The following ANKRD36B variants were observed in gnomAD, a reference collection of about 807,000 sequenced individuals.
The protein encoded by ANKRD36B is ankyrin repeat domain 36B.
A neutral mutation model predicts 135.7 loss-of-function variants in ANKRD36B; 37 were observed. That is an observed-to-expected ratio of 0.27 (90% CI 0.21 to 0.36). ANKRD36B has a LOEUF of 0.36. Ranked by LOEUF, ANKRD36B falls within the 10% of genes least tolerant of loss-of-function variation. The pLI, the probability that ANKRD36B is intolerant of heterozygous loss-of-function variation, is 1.00. For missense variants in ANKRD36B, 549 were observed against 1,037.1 expected, an observed-to-expected ratio of 0.53 and a Z score of 6.46; for synonymous variants, 179 against 348.1, an observed-to-expected ratio of 0.51 and a Z score of 5.41.
At chr2:97,559,345 T>A (rs113771048) in intron 8 of ANKRD36B, among the ~76,000 whole-genome samples, 2 of 151,886 alleles carry the variant, frequency 1.3e-5, no homozygotes, top group Non-Finnish European at 2.9e-5. Flanking sequence ...TGGTACATGA[T>A]CCCTCATGTC....
At chr2:97,573,908 C>T (rs1232486220) in intron 6 of ANKRD36B, among the ~76,000 whole-genome samples, 2 of 152,066 alleles carry the variant, frequency 1.3e-5, no homozygotes, top group Admixed American at 6.6e-5. Context: ...TAAAGACTTA[C>T]ATGTTAGACC....
At chr2:97,556,703 TC>T (rs1283064016) in intron 12 of ANKRD36B, among the ~76,000 whole-genome samples, 2 of 152,046 alleles carry the variant, frequency 1.3e-5, no homozygotes, top group Admixed American at 6.6e-5. Context: ...TCAACTGTTT[TC>T]CAATGGTTCT....
rs2079356187 is a variant in ANKRD36B, at chr2:97,545,265, T to G, written c.1681+401A>C. On this transcript the variant is annotated intron_variant, in intron 24 of 43. Coordinates refer to ENST00000359901, the MANE Select transcript of ANKRD36B (RefSeq NM_001393939.1). ...GGTCTTGTTACTTGTCATTCTACAG[T>G]GTTTTTGTGGTATTAGGATCACTTT... is the stretch of plus-strand genomic sequence containing the variant. 2.1e-5 allele frequency among the ~76,000 whole-genome samples: 2 copies of G among 95,866 alleles called. 1 individual carries two copies. Among genetic ancestry groups the G allele is most frequent in the Non-Finnish European group, 5.6e-5 (2 of 35,770 alleles). The allele number at this position is 95,866 out of a possible 152,430, so 62.9% of individuals were successfully genotyped here. A position where few individuals can be genotyped will look rare whatever the true frequency, so the allele number is the denominator to read the frequency against.
chr2:97,560,613 T>G (rs796632266), intron 8 of ANKRD36B, 52 bp downstream of exon 8: 23 of 1,593,588 alleles, frequency 1.4e-5, no homozygotes, highest in Non-Finnish European at 1.8e-5. Flanking sequence ...GGGAAGGGAA[T>G]TTCTCTTCTA....
At chr2:97,556,888 C>G (rs1300101769) in intron 12 of ANKRD36B, 49 bp downstream of exon 12, 2 of 1,545,496 alleles carry the variant, frequency 1.3e-6, no homozygotes, top group Non-Finnish European at 1.7e-6. Context: ...GTGGGACGTT[C>G]TCTTCTGTCT....
chr2:97,575,220 GAAA>G (rs1301934832), intron 6 of ANKRD36B, among the ~76,000 whole-genome samples: 2 of 152,002 alleles, frequency 1.3e-5, no homozygotes, highest in South Asian at 4.2e-4. Flanking sequence ...GGTGGGGAGG[GAAA>G]GTTGACATTC....
chr2:97,572,098 C>T (rs1003944381), intron 6 of ANKRD36B, among the ~76,000 whole-genome samples: 1 of 151,936 alleles, frequency 6.6e-6, no homozygotes, highest in African/African-American at 2.4e-5. Flanking sequence ...AAGAGAGAGA[C>T]CTTTGTCTTT....
At chr2:97,585,916 ATTCTC>A (rs2082945820) in intron 1 of ANKRD36B, among the ~76,000 whole-genome samples, 1 of 152,192 alleles carries the variant, frequency 6.6e-6, no homozygotes, top group African/African-American at 2.4e-5. Context: ...TTTTCTCACT[ATTCTC>A]TTATATAAGC....
Position 97,581,672 on chromosome 2 carries a change from A to T in ANKRD36B, c.451-1104T>A, listed in dbSNP as rs191143328. 1.6e-3 allele frequency among the ~76,000 whole-genome samples: 244 copies of T among 152,270 alleles called. 1 individual carries two copies. Among genetic ancestry groups the T allele is most frequent in the Admixed American group, 3.5e-3 (53 of 15,298 alleles). ...TTTCCAATTCATTCTTACCTAACTT[A>T]TTTTATTTTAGGTAAAATATCAATC... On this transcript the variant is annotated intron_variant, in intron 3 of 43. Transcript: ENST00000359901.
intron 6 of ANKRD36B, among the ~76,000 whole-genome samples, chr2:97,574,494 AT>A (rs2082099056): frequency 6.6e-6 from 1 of 152,194 alleles, no homozygotes; most frequent in South Asian, 2.1e-4. Flanking sequence ...TTCCTCAGGG[AT>A]CTAGAACTAG....
intron 6 of ANKRD36B, among the ~76,000 whole-genome samples, chr2:97,572,076 T>C (rs1051346617): frequency 6.6e-6 from 1 of 152,056 alleles, no homozygotes; most frequent in African/African-American, 2.4e-5. Context: ...AGTTTGAGAC[T>C]GGCCTGGGCA....
In ANKRD36B at chr2:97,567,164, AC is replaced by A. The variant is rs771352391; in HGVS notation, c.764-6305del. ...GATAAAGAGATGCATAGTGCAAGAT[AC>A]GGGGGGAAAGTAACATGCTTCCATG... On this transcript the variant is annotated intron_variant, in intron 6 of 43. Transcript: ENST00000359901. Among the ~76,000 whole-genome samples the A allele has an allele frequency of 4.7e-3, 721 of 151,790 alleles. 3 individuals carry two copies. The highest frequency in any genetic ancestry group is 6.8e-3 in the Non-Finnish European group (463 of 67,912).
chr2:97,546,784 C>T (rs2079509039), intron 22 of ANKRD36B, among the ~76,000 whole-genome samples: 1 of 151,588 alleles, frequency 6.6e-6, no homozygotes, highest in African/African-American at 2.4e-5. Context: ...GAGGTAGCCC[C>T]TTGAACAAGG....
At position 97,530,924 on chromosome 2, in the gene ANKRD36B, G is replaced by A. The variant is rs1165269969; in HGVS notation, c.2265+1387C>T. On this transcript the variant is annotated intron_variant, in intron 35 of 43. Coordinates refer to ENST00000359901, the MANE Select transcript of ANKRD36B (RefSeq NM_001393939.1). ...GGAAACAACAGATGCTGGAGAGGATGTGGAGAAATAGCAACACTTTTACAC... is the reference window on the plus strand; with the variant it reads ...GGAAACAACAGATGCTGGAGAGGATATGGAGAAATAGCAACACTTTTACAC... Among the ~76,000 whole-genome samples the A allele has an allele frequency of 2.7e-4, 26 of 96,866 alleles. 7 individuals carry two copies. Among genetic ancestry groups the A allele is most frequent in the African/African-American group, 7.7e-4 (25 of 32,276 alleles). The allele number at this position is 96,866 out of a possible 152,430, so 63.5% of individuals were successfully genotyped here. A position where few individuals can be genotyped will look rare whatever the true frequency, so the allele number is the denominator to read the frequency against.
intron 35 of ANKRD36B, chr2:97,524,381 G>A (rs2078081769): frequency 1.1e-5 from 1 of 94,960 alleles, no homozygotes; most frequent in South Asian, 2.4e-4. Flanking sequence ...TCTTGCTTTT[G>A]TACTTTCAGT....
chr2:97,535,492 C>G (rs1390737386), intron 34 of ANKRD36B, among the ~76,000 whole-genome samples: 1 of 119,010 alleles, frequency 8.4e-6, no homozygotes, highest in Admixed American at 8.1e-5. Flanking sequence ...ATAAAACACA[C>G]ACACACACAC....
At chr2:97,553,079 C>T in intron 16 of ANKRD36B, 89 bp downstream of exon 16, 1 of 1,480,338 alleles carries the variant, frequency 6.8e-7, no homozygotes, top group African/African-American at 1.4e-5. Context: ...CAGCGAGCCC[C>T]CCACCCGCCC....
chr2:97,566,391 T>C (rs1256738812), intron 6 of ANKRD36B, among the ~76,000 whole-genome samples: 7 of 152,120 alleles, frequency 4.6e-5, no homozygotes, highest in Non-Finnish European at 1.0e-4. Flanking sequence ...AAGACTTTGA[T>C]GCTTTATTAC....
At chr2:97,561,272 T>C (rs71429361) in intron 6 of ANKRD36B, among the ~76,000 whole-genome samples, 1 of 152,050 alleles carries the variant, frequency 6.6e-6, no homozygotes, top group East Asian at 1.9e-4. Context: ...TGATTTGGAA[T>C]ATTTTACTGC....
Sources: gnomAD v4.1 joint callset for allele counts (sites outside exome capture counted in the v4.1 genomes callset) on GRCh38, gnomAD v4.1.1 for gene constraint, MANE v1.5 for transcripts, NCBI Gene and HGNC (gene_info 2026-07-23, HGNC 2026-07-21) for gene names.